The following AFF2 variants were observed in gnomAD, a reference collection of about 807,000 sequenced individuals.
The protein encoded by AFF2 is ALF transcription elongation factor 2.
Under a neutral mutation model 76.9 loss-of-function variants are expected in AFF2, and 14 were observed. That is an observed-to-expected ratio of 0.18 (90% CI 0.12 to 0.28). The LOEUF (loss-of-function observed/expected upper bound fraction) is 0.28, where lower values mean the gene tolerates loss of function less well. Ranked by LOEUF, AFF2 falls within the 10% of genes least tolerant of loss-of-function variation. The pLI is 1.00. For synonymous variants in AFF2, 398 were observed against 366.7 expected (o/e 1.09, Z -0.98); for missense variants, 868 against 1,001.1 (o/e 0.87, Z 1.79).
intron 3 of AFF2, among the ~76,000 whole-genome samples, chrX:148,782,409 G>A (rs930265514): frequency 9.0e-6 from 1 of 111,529 alleles, no homozygotes; most frequent in African/African-American, 3.3e-5. Context: ...TCAATGTTAC[G>A]TCTACATTTT....
At chrX:148,821,014 G>C (rs945518607) in intron 4 of AFF2, among the ~76,000 whole-genome samples, 2 of 110,756 alleles carry the variant, frequency 1.8e-5, no homozygotes, top group African/African-American at 6.6e-5. Context: ...ATTTGGGATA[G>C]AAGGCCTCAA....
intron 1 of AFF2, among the ~76,000 whole-genome samples, chrX:148,505,821 T>C (rs1239885474): frequency 8.9e-6 from 1 of 112,014 alleles, no homozygotes; most frequent in Admixed American, 9.5e-5. Context: ...TCACTTGTAA[T>C]TTTGTTTTTC....
intron 9 of AFF2, among the ~76,000 whole-genome samples, chrX:148,952,935 G>A (rs1557286790): frequency 1.8e-5 from 2 of 111,083 alleles, no homozygotes; most frequent in Non-Finnish European, 3.8e-5. Context: ...TTGGGGCTGA[G>A]CGCCAGGCCC....
At chrX:148,588,747 AT>A (rs2053494033) in intron 1 of AFF2, among the ~76,000 whole-genome samples, 1 of 111,450 alleles carries the variant, frequency 9.0e-6, no homozygotes, top group African/African-American at 3.3e-5. Context: ...CTTCTTTTTG[AT>A]CATCTGCTCT....
At chrX:148,504,976 G>A (rs886773849) in intron 1 of AFF2, among the ~76,000 whole-genome samples, 13 of 75,901 alleles carry the variant, frequency 1.7e-4, no homozygotes, top group Non-Finnish European at 2.6e-4. Flanking sequence ...TAGGGCTGTG[G>A]TGGGGTGGGG....
chrX:148,581,916 A>C (rs2053419246), intron 1 of AFF2, among the ~76,000 whole-genome samples: 1 of 112,314 alleles, frequency 8.9e-6, no homozygotes, highest in African/African-American at 3.2e-5. Context: ...CCTTTAGAGC[A>C]AAAGAAAATC....
At chrX:148,806,144 G>C (rs899723054) in intron 3 of AFF2, among the ~76,000 whole-genome samples, 1 of 112,792 alleles carries the variant, frequency 8.9e-6, no homozygotes, top group African/African-American at 3.2e-5. Context: ...CTCAGTCTCT[G>C]TCTTTCACAC....
chrX:148,918,428 T>C (rs1223497493), intron 9 of AFF2, among the ~76,000 whole-genome samples: 1 of 111,889 alleles, frequency 8.9e-6, no homozygotes, highest in Admixed American at 9.5e-5. Context: ...GAGGGTAGAT[T>C]GATAGGAGAG....
At chrX:148,945,716 TAAA>T (rs1192806509) in intron 9 of AFF2, among the ~76,000 whole-genome samples, 19 of 112,236 alleles carry the variant, frequency 1.7e-4, no homozygotes, top group Middle Eastern at 4.6e-3. Flanking sequence ...CCAGCCCTCT[TAAA>T]AACCTATGTG....
At chrX:148,977,301 A>C (rs2072337018) in intron 16 of AFF2, among the ~76,000 whole-genome samples, 1 of 111,182 alleles carries the variant, frequency 9.0e-6, no homozygotes, top group South Asian at 3.9e-4. Flanking sequence ...ATTAAGGAGA[A>C]TAGAAAGACA....
At chrX:148,852,389 G>GTTTTTTT (rs33916305) in intron 7 of AFF2, among the ~76,000 whole-genome samples, 11 of 78,784 alleles carry the variant, frequency 1.4e-4, no homozygotes, top group East Asian at 4.3e-4. Context: ...CCAGCAGCTG[G>GTTTTTTT]TTTTTTTTTT....
At chrX:148,694,179 G>C (rs5980386) in intron 3 of AFF2, among the ~76,000 whole-genome samples, 5,550 of 101,363 alleles carry the variant, frequency 0.055, 539 homozygotes, top group African/African-American at 0.2. Flanking sequence ...TGGGGTCGGG[G>C]GGGGGGAGGG....
At chrX:148,609,305 G>A (rs2053704068) in intron 1 of AFF2, among the ~76,000 whole-genome samples, 1 of 111,561 alleles carries the variant, frequency 9.0e-6, no homozygotes, top group African/African-American at 3.3e-5. Flanking sequence ...ATTTAATATG[G>A]GTGATTTTCA....
At chrX:148,573,585 TA>T (rs1328524121) in intron 1 of AFF2, among the ~76,000 whole-genome samples, 1 of 111,289 alleles carries the variant, frequency 9.0e-6, no homozygotes, top group Non-Finnish European at 1.9e-5. Flanking sequence ...AGGGATCTTT[TA>T]AAATTACATT....
chrX:148,799,570 G>A (rs1181089449), intron 3 of AFF2, among the ~76,000 whole-genome samples: 1 of 111,882 alleles, frequency 8.9e-6, no homozygotes, highest in East Asian at 2.8e-4. Context: ...TCACATAAAA[G>A]CTATCAAGAA....
At chrX:148,771,716 G>A (rs1017643771) in intron 3 of AFF2, among the ~76,000 whole-genome samples, 1 of 112,290 alleles carries the variant, frequency 8.9e-6, no homozygotes, top group Non-Finnish European at 1.9e-5. Flanking sequence ...GTTGCTTTTG[G>A]AGATGGAAAT....
intron 8 of AFF2, among the ~76,000 whole-genome samples, chrX:148,902,522 C>T (rs1169145304): frequency 8.9e-6 from 1 of 111,883 alleles, no homozygotes; most frequent in Non-Finnish European, 1.9e-5. Context: ...AGACTGGGTC[C>T]TGCTGCTGTA....
At chrX:148,854,018 G>A (rs1557275678) in intron 7 of AFF2, among the ~76,000 whole-genome samples, 1 of 112,041 alleles carries the variant, frequency 8.9e-6, no homozygotes, top group Admixed American at 9.5e-5. Context: ...TTATCTTCAT[G>A]CTTTTATGCA....
chrX:148,552,869 A>C (rs2053011179), intron 1 of AFF2, among the ~76,000 whole-genome samples: 1 of 111,840 alleles, frequency 8.9e-6, no homozygotes, highest in Admixed American at 9.5e-5. Flanking sequence ...CCTTTACTTA[A>C]AGCCTCTGCA....
Sources: allele counts gnomAD v4.1 joint callset (sites outside exome capture counted in the v4.1 genomes callset), GRCh38; gene constraint gnomAD v4.1.1; transcripts MANE v1.5; gene names NCBI Gene and HGNC (gene_info 2026-07-23, HGNC 2026-07-21).